ZZZ3: variants seen among roughly 807,000 people sequenced by gnomAD.
The protein encoded by ZZZ3 is zinc finger ZZ-type containing 3.
A neutral mutation model predicts 95.2 loss-of-function variants in ZZZ3; 22 were observed. That is an observed-to-expected ratio of 0.23 (90% CI 0.17 to 0.33). The LOEUF (loss-of-function observed/expected upper bound fraction) is 0.33, where lower values mean the gene tolerates loss of function less well. ZZZ3 is among the 10% of genes least tolerant of loss of function. The pLI, the probability that ZZZ3 is intolerant of heterozygous loss-of-function variation, is 1.00. For synonymous variants in ZZZ3, 335 were observed against 358.9 expected (o/e 0.93, Z 0.75); for missense variants, 885 against 1,066.5 (o/e 0.83, Z 2.37).
At chr1:77,606,054 G>A (rs1665200335) in intron 5 of ZZZ3, among the ~76,000 whole-genome samples, 2 of 152,170 alleles carry the variant, frequency 1.3e-5, no homozygotes, top group Admixed American at 1.3e-4. Context: ...CCCAATTCCA[G>A]GCCTTAGCTC....
intron 9 of ZZZ3, chr1:77,580,556 C>T (rs1365883737): frequency 6.6e-6 from 1 of 152,348 alleles, no homozygotes; most frequent in African/African-American, 2.4e-5. Context: ...AAAAGGTATA[C>T]AAAAATAAGC....
intron 5 of ZZZ3, among the ~76,000 whole-genome samples, chr1:77,626,826 ATAT>A (rs1259084586): frequency 6.6e-6 from 1 of 152,196 alleles, no homozygotes; most frequent in Non-Finnish European, 1.5e-5. Context: ...TATTCTTTTC[ATAT>A]TATTCAAATC....
At chr1:77,670,271 TTG>T (rs1491360238) in intron 1 of ZZZ3, among the ~76,000 whole-genome samples, 151 of 151,200 alleles carry the variant, frequency 1.0e-3, no homozygotes, top group African/African-American at 3.1e-3. Flanking sequence ...TTTTTTTTTT[TTG>T]GGGGGGGGCA....
chr1:77,624,347 G>A (rs146049593), intron 5 of ZZZ3, among the ~76,000 whole-genome samples: 22 of 152,234 alleles, frequency 1.4e-4, no homozygotes, highest in Non-Finnish European at 2.6e-4. Flanking sequence ...GTCCTGGGTG[G>A]AGGATGGTCA....
At chr1:77,628,316 T>C (rs1238787561) in intron 5 of ZZZ3, among the ~76,000 whole-genome samples, 2 of 152,208 alleles carry the variant, frequency 1.3e-5, no homozygotes, top group African/African-American at 4.8e-5. Flanking sequence ...ACCCCTAATC[T>C]TTCAGAAGGC....
intron 5 of ZZZ3, 107 bp downstream of exon 5, chr1:77,631,743 A>G: frequency 1.1e-6 from 1 of 926,316 alleles, no homozygotes; most frequent in South Asian, 2.2e-5. Context: ...CTAAAATTTT[A>G]GTGAAAACAT....
At chr1:77,678,136 T>C (rs953852416) in intron 1 of ZZZ3, among the ~76,000 whole-genome samples, 23 of 152,216 alleles carry the variant, frequency 1.5e-4, no homozygotes, top group Admixed American at 2.0e-4. Flanking sequence ...CTGAATCATA[T>C]GCATAGGTCA....
intron 1 of ZZZ3, among the ~76,000 whole-genome samples, chr1:77,642,110 C>T (rs1033877120): frequency 2.6e-5 from 4 of 152,058 alleles, no homozygotes; most frequent in African/African-American, 7.2e-5. Flanking sequence ...CATCTGATAT[C>T]TTTCTTAAGT....
chr1:77,648,821 C>T (rs973670887), intron 1 of ZZZ3, among the ~76,000 whole-genome samples: 9 of 152,210 alleles, frequency 5.9e-5, no homozygotes, highest in Non-Finnish European at 8.8e-5. Context: ...ATGGAAATGA[C>T]GAATTCACAG....
chr1:77,610,251 C>A (rs1413359815), intron 5 of ZZZ3, among the ~76,000 whole-genome samples: 1 of 151,604 alleles, frequency 6.6e-6, no homozygotes, highest in African/African-American at 2.4e-5. Context: ...ATATAATCTG[C>A]CAAGACTAAG....
intron 3 of ZZZ3, among the ~76,000 whole-genome samples, chr1:77,639,922 G>A (rs1479467817): frequency 6.8e-6 from 1 of 147,184 alleles, no homozygotes; most frequent in Non-Finnish European, 1.5e-5. Context: ...TTTTTGCGGT[G>A]ATAAAGGTTG....
chr1:77,633,548 T>A, intron 4 of ZZZ3, 143 bp from the exon 5 acceptor site: 1 of 509,974 alleles, frequency 2.0e-6, no homozygotes, highest in East Asian at 3.2e-5. Context: ...TATTAAATTA[T>A]GTGATAAAAA....
At chr1:77,642,802 C>G (rs1403059144) in intron 1 of ZZZ3, among the ~76,000 whole-genome samples, 2 of 152,072 alleles carry the variant, frequency 1.3e-5, no homozygotes. Context: ...CACATGCTTT[C>G]TGGATAAAAC....
At chr1:77,651,281 A>C (rs1159492601) in intron 1 of ZZZ3, among the ~76,000 whole-genome samples, 1 of 152,116 alleles carries the variant, frequency 6.6e-6, no homozygotes, top group Admixed American at 6.6e-5. Context: ...GCTACTTGGG[A>C]GGCTGAGGTG....
At chr1:77,608,554 T>A (rs745691424) in intron 5 of ZZZ3, among the ~76,000 whole-genome samples, 5 of 152,104 alleles carry the variant, frequency 3.3e-5, no homozygotes, top group Non-Finnish European at 5.9e-5. Flanking sequence ...TAAGAAATCA[T>A]CTGAAGGTAC....
chr1:77,665,024 C>T (rs1052552096), intron 1 of ZZZ3, among the ~76,000 whole-genome samples: 6 of 152,120 alleles, frequency 3.9e-5, no homozygotes, highest in African/African-American at 1.4e-4. Flanking sequence ...CTCTCAGTTC[C>T]TTAATGTCTT....
At chr1:77,580,772 T>C (rs1327762738) in intron 9 of ZZZ3, 1 of 389,824 alleles carries the variant, frequency 2.6e-6, no homozygotes, top group Non-Finnish European at 4.7e-6. Context: ...TGGGATTATA[T>C]ATGCACACGC....
In ZZZ3 at chr1:77,643,973, A is replaced by G. The variant is rs970967565; in HGVS notation, c.-402-2318T>C. Among the ~76,000 whole-genome samples, 6 of 152,208 alleles carry G rather than the reference A, an allele frequency of 3.9e-5. No individual in the cohort carries two copies. In the South Asian group the frequency reaches 1.2e-3, roughly 31 times the overall value. Reference sequence around the variant, plus strand: ...TGAAAGTATCACATATAGGCACTATACTATGATTTTAAATGATTTTATAAG... The same window carrying G: ...TGAAAGTATCACATATAGGCACTATGCTATGATTTTAAATGATTTTATAAG... On this transcript the variant is annotated intron_variant, in intron 1 of 14. Transcript: ENST00000370801.
chr1:77,632,212 T>G lies in ZZZ3; in HGVS notation c.1143A>C (p.Ser381=). The G allele has an allele frequency of 6.2e-7, 1 of 1,614,062 alleles. No individual in the cohort carries two copies. The highest frequency in any genetic ancestry group is 8.5e-7 in the Non-Finnish European group (1 of 1,180,018). ...CTCTGGTAGGGGCTGCCCTTCGTGG[T>G]GAGGTTCTCAGAGTATAACGATGTT... is the stretch of plus-strand genomic sequence containing the variant. ...PQEHRYTLRT[S]PRRAAPTRGS... is the part of the protein sequence containing the mutation. Residue 381 remains serine, a synonymous_variant, in exon 5 of 15, where the codon TCA becomes TCC. Transcript: ENST00000370801.
Sources: allele counts gnomAD v4.1 joint callset (sites outside exome capture counted in the v4.1 genomes callset), GRCh38; gene constraint gnomAD v4.1.1; transcripts MANE v1.5; gene names NCBI Gene and HGNC (gene_info 2026-07-23, HGNC 2026-07-21).